RANBP10: variants seen among roughly 807,000 people sequenced by gnomAD.
RANBP10 encodes the protein ran-binding protein 10.
A neutral mutation model predicts 72.8 loss-of-function variants in RANBP10; 24 were observed. The ratio of observed to expected loss-of-function variants is 0.33; its 90% confidence interval spans 0.24 to 0.46. The LOEUF (loss-of-function observed/expected upper bound fraction) is 0.46, where lower values mean the gene tolerates loss of function less well. Ranked by LOEUF, RANBP10 falls within the 20% of genes least tolerant of loss-of-function variation. RANBP10 has a pLI of 1.00. For synonymous variants in RANBP10, 310 were observed against 322.3 expected (o/e 0.96, Z 0.41); for missense variants, 679 against 817.5 (o/e 0.83, Z 2.07).
At chr16:67,783,651 A>T (rs2054854536) in intron 2 of RANBP10, among the ~76,000 whole-genome samples, 1 of 152,188 alleles carries the variant, frequency 6.6e-6, no homozygotes, top group African/African-American at 2.4e-5. Flanking sequence ...CTAGACTTCA[A>T]TTCTTCACAG....
chr16:67,735,002 T>G lies in RANBP10; in HGVS notation c.632A>C (p.Glu211Ala). Residue 211 changes from glutamate (E) to alanine (A), a missense_variant, in exon 6 of 14, where the codon GAG becomes GCG. Transcript: ENST00000317506. ...YPTVGLQTPG[E>A]IVDANFGQQP... Reference sequence around the variant, plus strand: ...CTGCCCAAAGTTGGCGTCCACAATCTCCCCAGGTGTCTGCAGGCCTACGGT... The same window carrying G: ...CTGCCCAAAGTTGGCGTCCACAATCGCCCCAGGTGTCTGCAGGCCTACGGT... 1 of 1,612,938 alleles carries G rather than the reference T, an allele frequency of 6.2e-7. No homozygotes were observed. Among genetic ancestry groups the G allele is most frequent in the Non-Finnish European group, 8.5e-7 (1 of 1,179,332 alleles).
chr16:67,738,106 G>A (rs59405154), intron 4 of RANBP10, 71 bp from the exon 5 acceptor site: 1 of 1,467,392 alleles, frequency 6.8e-7, no homozygotes, highest in Non-Finnish European at 9.2e-7. Context: ...CCATGGTGGA[G>A]CCAGTGCTAG....
chr16:67,731,636 G>A (rs2053735326), intron 6 of RANBP10, 52 bp from the exon 7 acceptor site: 1 of 1,396,560 alleles, frequency 7.2e-7, no homozygotes, highest in Admixed American at 1.9e-5. Flanking sequence ...ACTTCTCACT[G>A]ACTACCCAAT....
chr16:67,727,616 C>A (rs2053631677), intron 12 of RANBP10, 135 bp downstream of exon 12: 2 of 1,406,912 alleles, frequency 1.4e-6, no homozygotes, highest in Non-Finnish European at 2.0e-6. Context: ...GTCCAGTGGG[C>A]CCAGATGCCC....
intron 3 of RANBP10, among the ~76,000 whole-genome samples, chr16:67,754,852 C>T: frequency 6.6e-6 from 1 of 152,202 alleles, no homozygotes; most frequent in African/African-American, 2.4e-5. Flanking sequence ...GTTCCCTTCT[C>T]TACAAAATGA....
chr16:67,805,405 G>C (rs1185877161), intron 2 of RANBP10, 23 bp downstream of exon 2: 2 of 1,589,412 alleles, frequency 1.3e-6, no homozygotes, highest in Non-Finnish European at 1.7e-6. Flanking sequence ...ATCAGGGAAA[G>C]AGGGTGGTCA....
chr16:67,804,645 C>T (rs568163928), intron 2 of RANBP10, among the ~76,000 whole-genome samples: 4 of 151,934 alleles, frequency 2.6e-5, no homozygotes, highest in South Asian at 2.1e-4. Flanking sequence ...TCAAGTGATC[C>T]GCCCGCCTCG....
At chr16:67,793,308 ATTTTTTT>A (rs752769973) in intron 2 of RANBP10, among the ~76,000 whole-genome samples, 5 of 131,516 alleles carry the variant, frequency 3.8e-5, no homozygotes, top group East Asian at 4.3e-4. Context: ...CTGGCTTGTA[ATTTTTTT>A]TTTTTTTTTT....
chr16:67,777,398 T>C (rs1007576314), intron 2 of RANBP10, among the ~76,000 whole-genome samples: 3 of 151,842 alleles, frequency 2.0e-5, no homozygotes, highest in Admixed American at 1.3e-4. Flanking sequence ...TAGCCGGGCA[T>C]GGTGGCGGGG....
At chr16:67,773,111 G>A (rs1034751148) in intron 2 of RANBP10, among the ~76,000 whole-genome samples, 30 of 152,190 alleles carry the variant, frequency 2.0e-4, no homozygotes, top group African/African-American at 7.0e-4. Context: ...ACCCAATGCT[G>A]GAGGTGGGGC....
intron 2 of RANBP10, among the ~76,000 whole-genome samples, chr16:67,775,642 G>C (rs139353939): frequency 5.3e-4 from 80 of 151,906 alleles, no homozygotes; most frequent in Non-Finnish European, 8.5e-4. Flanking sequence ...GCAATATCCT[G>C]TCTCTACAAA....
intron 3 of RANBP10, among the ~76,000 whole-genome samples, chr16:67,746,012 C>T (rs972678916): frequency 2.0e-5 from 3 of 151,980 alleles, no homozygotes; most frequent in East Asian, 3.9e-4. Flanking sequence ...CAAAATTAGC[C>T]GGGCATGGTG....
chr16:67,742,784 G>A (rs977727029), intron 4 of RANBP10, among the ~76,000 whole-genome samples: 1 of 152,194 alleles, frequency 6.6e-6, no homozygotes, highest in Admixed American at 6.5e-5. Flanking sequence ...CAGGGTGAGA[G>A]CCCACAATAG....
intron 2 of RANBP10, among the ~76,000 whole-genome samples, chr16:67,785,731 CAA>C (rs61683439): frequency 1.1e-4 from 8 of 71,716 alleles, no homozygotes; most frequent in African/African-American, 6.9e-5. Context: ...GACTCCATCT[CAA>C]AAAAAAAAAA....
At chr16:67,751,583 C>T (rs1195599957) in intron 3 of RANBP10, among the ~76,000 whole-genome samples, 1 of 152,044 alleles carries the variant, frequency 6.6e-6, no homozygotes, top group African/African-American at 2.4e-5. Flanking sequence ...TGAGATTGTG[C>T]CAATGCACTC....
At chr16:67,781,155 A>ATGGG (rs1245597192) in intron 2 of RANBP10, among the ~76,000 whole-genome samples, 1 of 152,232 alleles carries the variant, frequency 6.6e-6, no homozygotes, top group Non-Finnish European at 1.5e-5. Context: ...AAGGTGGATG[A>ATGGG]TGGGACAACC....
intron 1 of RANBP10, among the ~76,000 whole-genome samples, chr16:67,805,998 C>T (rs1025668701): frequency 5.9e-5 from 9 of 152,338 alleles, no homozygotes; most frequent in African/African-American, 1.9e-4. Flanking sequence ...TAAGCAGTGG[C>T]GAAAGGTCCC....
At chr16:67,744,122 T>C (rs903586569) in intron 4 of RANBP10, 166 bp downstream of exon 4, 6 of 1,407,140 alleles carry the variant, frequency 4.3e-6, no homozygotes, top group Non-Finnish European at 5.6e-6. Context: ...AACAAAGGCG[T>C]GCCCCTGCTA....
At chr16:67,796,672 C>T (rs761889383) in intron 2 of RANBP10, among the ~76,000 whole-genome samples, 9 of 152,160 alleles carry the variant, frequency 5.9e-5, no homozygotes, top group Non-Finnish European at 1.3e-4. Context: ...ACACTTGCCA[C>T]CCCTGACCTA....
Sources: allele counts gnomAD v4.1 joint callset (sites outside exome capture counted in the v4.1 genomes callset), GRCh38; gene constraint gnomAD v4.1.1; transcripts MANE v1.5; gene names NCBI Gene and HGNC (gene_info 2026-07-23, HGNC 2026-07-21).